SAXO1: variants seen among roughly 807,000 people sequenced by gnomAD.
SAXO1 encodes the protein 4930500O09Rik.
SAXO1 carries 21 observed loss-of-function variants against 17.5 expected under a neutral mutation model. That is an observed-to-expected ratio of 1.20 (90% confidence interval 0.85 to 1.72). SAXO1 has a LOEUF of 1.72. SAXO1 is among the 40% of genes most tolerant of loss of function. The pLI is 0.00. For synonymous variants in SAXO1, 274 were observed against 216.5 expected (o/e 1.27, Z -2.33); for missense variants, 843 against 596.0 (o/e 1.41, Z -4.32).
chr9:19,048,452 G>A (rs1262408507), intron 1 of SAXO1, among the ~76,000 whole-genome samples: 3 of 149,512 alleles, frequency 2.0e-5, no homozygotes, highest in Non-Finnish European at 3.0e-5. Context: ...GTGAGACTCC[G>A]TCTCAAAAGA....
At chr9:18,955,734 C>A (rs1027045876) in intron 1 of SAXO1, among the ~76,000 whole-genome samples, 1 of 152,092 alleles carries the variant, frequency 6.6e-6, no homozygotes, top group African/African-American at 2.4e-5. Context: ...CTAGCTGCAG[C>A]TGCTCACTTT....
chr9:18,972,840 G>C (rs543695392), intron 1 of SAXO1, among the ~76,000 whole-genome samples: 35 of 152,264 alleles, frequency 2.3e-4, no homozygotes, highest in African/African-American at 8.4e-4. Flanking sequence ...TAAGCCTCGA[G>C]TCCTTCCGGG....
At chr9:19,019,649 G>C (rs998623610) in intron 1 of SAXO1, among the ~76,000 whole-genome samples, 2 of 152,020 alleles carry the variant, frequency 1.3e-5, no homozygotes, top group African/African-American at 4.8e-5. Context: ...GAAATCACTT[G>C]AGCCAGGGAG....
intron 1 of SAXO1, among the ~76,000 whole-genome samples, chr9:19,031,479 T>C (rs1000473279): frequency 8.5e-5 from 13 of 152,196 alleles, no homozygotes; most frequent in Non-Finnish European, 1.6e-4. Flanking sequence ...GGAGAATCAC[T>C]TGAACCCTGA....
intron 1 of SAXO1, among the ~76,000 whole-genome samples, chr9:19,020,362 G>C (rs62560441): frequency 2.4e-5 from 3 of 127,048 alleles, no homozygotes; most frequent in Admixed American, 7.8e-5. Context: ...TTTTTTTTGT[G>C]AGACAGGGTC....
rs1266162638 is a variant in SAXO1 at position 18,928,742 on chromosome 9, C to G, written c.735G>C (p.Arg245=). 5.0e-6 allele frequency: 8 copies of G among 1,613,904 alleles called. No homozygotes were observed. The highest frequency in any genetic ancestry group is 6.8e-6 in the Non-Finnish European group (8 of 1,180,030). The change falls in exon 4 of 4, where the codon CGG becomes CGC. Residue 245 remains arginine, a synonymous_variant. Transcript: ENST00000380534. ...ESLTTQKQSY[R]GLMGEPAKSL... is the part of the protein sequence containing the mutation. ...TCTTGGCAGGCTCCCCCATCAGGCC[C>G]CGGTAGGATTGTTTTTGAGTGGTAA... is the stretch of plus-strand genomic sequence containing the variant.
At chr9:18,977,196 G>A (rs540740581) in intron 1 of SAXO1, among the ~76,000 whole-genome samples, 28 of 152,144 alleles carry the variant, frequency 1.8e-4, no homozygotes, top group Non-Finnish European at 4.0e-4. Context: ...CCACCATGCT[G>A]TTTTTCACAA....
chr9:18,935,580 C>G, intron 3 of SAXO1, among the ~76,000 whole-genome samples: 1 of 152,114 alleles, frequency 6.6e-6, no homozygotes. Context: ...TTCTGATTGC[C>G]CTTTAGTCTG....
chr9:18,993,957 G>A (rs1833910380), intron 1 of SAXO1, among the ~76,000 whole-genome samples: 1 of 152,078 alleles, frequency 6.6e-6, no homozygotes, highest in South Asian at 2.1e-4. Context: ...GCTTTCAAGA[G>A]GTTGAAAAGA....
At chr9:18,951,683 C>T (rs987365453) in intron 1 of SAXO1, among the ~76,000 whole-genome samples, 3 of 152,196 alleles carry the variant, frequency 2.0e-5, no homozygotes, top group Admixed American at 6.5e-5. Context: ...CCTGTCCCAT[C>T]ACTTATAGCT....
At chr9:19,044,004 G>A (rs1326245471) in intron 1 of SAXO1, among the ~76,000 whole-genome samples, 1 of 151,950 alleles carries the variant, frequency 6.6e-6, no homozygotes, top group Non-Finnish European at 1.5e-5. Flanking sequence ...AATTAGCCAG[G>A]TTTTGTGGCA....
intron 1 of SAXO1, among the ~76,000 whole-genome samples, chr9:18,993,678 G>A (rs1020499239): frequency 5.3e-5 from 8 of 152,198 alleles, no homozygotes; most frequent in Non-Finnish European, 7.3e-5. Flanking sequence ...CAACAGAAAG[G>A]GGGTATAAGG....
chr9:19,027,795 A>G, intron 1 of SAXO1: 1 of 1,511,090 alleles, frequency 6.6e-7, no homozygotes, highest in Non-Finnish European at 9.0e-7. Flanking sequence ...GATGGCTTCC[A>G]GCCCAACACC....
chr9:18,949,631 G>C (rs371139200), intron 2 of SAXO1, among the ~76,000 whole-genome samples: 12 of 151,978 alleles, frequency 7.9e-5, no homozygotes, highest in African/African-American at 2.9e-4. Flanking sequence ...GACTTCCCGT[G>C]GATCTAGAAG....
In SAXO1 at chr9:18,986,462, G is replaced by A. The variant is rs374187871; in HGVS notation, c.39-35525C>T. 2.4e-4 allele frequency among the ~76,000 whole-genome samples: 37 copies of A among 152,256 alleles called. 3 individuals carry two copies. In the East Asian group the frequency reaches 5.6e-3, roughly 23 times the overall value. Reference sequence around the variant, plus strand: ...TGGTCAAAGAACAGAGAGACCAATCGAGGAAGGTAAACACAATTTTAAAAC... The same window carrying A: ...TGGTCAAAGAACAGAGAGACCAATCAAGGAAGGTAAACACAATTTTAAAAC... On this transcript the variant is annotated intron_variant, in intron 1 of 3. Coordinates refer to ENST00000380534, the MANE Select transcript of SAXO1 (RefSeq NM_153707.4).
At chr9:18,987,523 C>T (rs1435508103) in intron 1 of SAXO1, among the ~76,000 whole-genome samples, 3 of 152,106 alleles carry the variant, frequency 2.0e-5, no homozygotes, top group Non-Finnish European at 2.9e-5. Context: ...TCAGGTAGTC[C>T]ACCCGCTCAG....
At position 18,963,320 on chromosome 9, in the gene SAXO1, GT is replaced by G. The variant is rs1380117859; in HGVS notation, c.39-12384del. The stretch of plus-strand genomic sequence containing the variant: ...TTGGTTCCATAAGAAATTTAAAGTC[GT>G]TTTTTCTAATTCTGTGAAGAAAGTT... On this transcript the variant is annotated intron_variant, in intron 1 of 3. Coordinates refer to ENST00000380534, the MANE Select transcript of SAXO1 (RefSeq NM_153707.4). Among the ~76,000 whole-genome samples the G allele has an allele frequency of 2.6e-5, 4 of 152,252 alleles. No individual in the cohort carries two copies. The East Asian group carries it at 5.8e-4, about 22-fold the overall frequency.
chr9:18,953,876 A>G (rs1304328733), intron 1 of SAXO1, among the ~76,000 whole-genome samples: 2 of 152,274 alleles, frequency 1.3e-5, no homozygotes. Context: ...TAACATTAGT[A>G]GAGCCAAAAA....
At chr9:19,006,810 C>G (rs1834498922) in intron 1 of SAXO1, among the ~76,000 whole-genome samples, 1 of 152,186 alleles carries the variant, frequency 6.6e-6, no homozygotes, top group Non-Finnish European at 1.5e-5. Flanking sequence ...CTCTGGGAGG[C>G]TGAGGCAGGA....
Sources: allele counts gnomAD v4.1 joint callset (sites outside exome capture counted in the v4.1 genomes callset), GRCh38; gene constraint gnomAD v4.1.1; transcripts MANE v1.5; gene names NCBI Gene and HGNC (gene_info 2026-07-23, HGNC 2026-07-21).